The following MKLN1 variants were observed in gnomAD, a reference collection of about 807,000 sequenced individuals.
MKLN1 encodes muskelin 1.
A neutral mutation model predicts 99.0 loss-of-function variants in MKLN1; 18 were observed. The ratio of observed to expected loss-of-function variants is 0.18; its 90% CI spans 0.13 to 0.27. The LOEUF (loss-of-function observed/expected upper bound fraction) is 0.27. Ranked by LOEUF, MKLN1 falls within the 10% of genes least tolerant of loss-of-function variation. The probability of loss-of-function intolerance (pLI) is 1.00; values close to 1 mark genes in which losing one functional copy is unlikely to be tolerated. For synonymous variants in MKLN1, 288 were observed against 293.2 expected, an observed-to-expected ratio of 0.98 and a Z score of 0.18; for missense variants, 621 against 875.9, an observed-to-expected ratio of 0.71 and a Z score of 3.67.
intron 3 of MKLN1, among the ~76,000 whole-genome samples, chr7:131,278,835 A>G (rs1458687331): frequency 2.0e-5 from 3 of 152,152 alleles, no homozygotes; most frequent in Non-Finnish European, 4.4e-5. Context: ...CCTGGCCTCA[A>G]GAGATCCTCC....
intron 1 of MKLN1, among the ~76,000 whole-genome samples, chr7:131,139,343 G>A (rs6967518): frequency 0.37 from 55,019 of 149,952 alleles, 10,610 homozygotes; most frequent in East Asian, 0.68. Context: ...GACTCCCCCC[G>A]TCCCTCCCCT....
chr7:131,417,991 T>TA (rs1462636374), intron 8 of MKLN1, among the ~76,000 whole-genome samples: 2 of 152,208 alleles, frequency 1.3e-5, no homozygotes, highest in African/African-American at 2.4e-5. Context: ...GAGTACAAAG[T>TA]AAAATACTGA....
At chr7:131,409,096 C>T (rs1794795065) in intron 6 of MKLN1, among the ~76,000 whole-genome samples, 1 of 152,186 alleles carries the variant, frequency 6.6e-6, no homozygotes, top group Admixed American at 6.5e-5. Flanking sequence ...TTTGAACTCA[C>T]ATGGTTCACA....
intron 6 of MKLN1, among the ~76,000 whole-genome samples, chr7:131,409,533 A>G (rs963229717): frequency 1.3e-5 from 2 of 152,208 alleles, no homozygotes; most frequent in South Asian, 4.1e-4. Context: ...GGAGGTTTCC[A>G]GTTAAAGCCA....
chr7:131,300,043 A>G (rs975736476), intron 3 of MKLN1, among the ~76,000 whole-genome samples: 14 of 152,144 alleles, frequency 9.2e-5, no homozygotes, highest in Admixed American at 3.3e-4. Flanking sequence ...GAAAAGGGTT[A>G]ATAATTATAA....
intron 17 of MKLN1, among the ~76,000 whole-genome samples, chr7:131,481,563 A>G (rs1797122640): frequency 6.6e-6 from 1 of 152,178 alleles, no homozygotes; most frequent in Non-Finnish European, 1.5e-5. Flanking sequence ...TCACCTTTGT[A>G]ACACTGGTGA....
chr7:131,425,252 T>C (rs946062385), intron 8 of MKLN1, among the ~76,000 whole-genome samples: 1 of 152,108 alleles, frequency 6.6e-6, no homozygotes. Flanking sequence ...TTTCTGTCTC[T>C]ATACTTTTGC....
intron 2 of MKLN1, among the ~76,000 whole-genome samples, chr7:131,195,381 C>A (rs1448744553): frequency 2.0e-5 from 3 of 151,720 alleles, no homozygotes; most frequent in Non-Finnish European, 4.4e-5. Flanking sequence ...CATGGTGGCA[C>A]GTGCCTGTAA....
At chr7:131,474,712 T>A (rs1381328485) in intron 16 of MKLN1, among the ~76,000 whole-genome samples, 1 of 152,190 alleles carries the variant, frequency 6.6e-6, no homozygotes, top group African/African-American at 2.4e-5. Context: ...AAAGTTGGCC[T>A]TTTGAAAAGG....
At chr7:131,263,893 T>G (rs1797770882) in intron 3 of MKLN1, among the ~76,000 whole-genome samples, 1 of 152,176 alleles carries the variant, frequency 6.6e-6, no homozygotes, top group Non-Finnish European at 1.5e-5. Flanking sequence ...AAGAAATGGT[T>G]GTCCCCACTT....
intron 2 of MKLN1, among the ~76,000 whole-genome samples, chr7:131,158,744 A>G (rs1796005220): frequency 1.3e-5 from 2 of 152,148 alleles, no homozygotes; most frequent in East Asian, 3.8e-4. Context: ...ATGGTGCAAA[A>G]ACTGTTCAGT....
chr7:131,145,483 C>T (rs1335961338), intron 2 of MKLN1, among the ~76,000 whole-genome samples: 1 of 152,118 alleles, frequency 6.6e-6, no homozygotes, highest in East Asian at 1.9e-4. Flanking sequence ...GATGATCAGA[C>T]CACATTTATT....
At chr7:131,252,798 C>CTT (rs1296501523) in intron 3 of MKLN1, among the ~76,000 whole-genome samples, 2 of 152,152 alleles carry the variant, frequency 1.3e-5, no homozygotes, top group African/African-American at 4.8e-5. Context: ...GTGCTCTGTT[C>CTT]TTGGCATGCA....
At position 131,134,882 on chromosome 7, in the gene MKLN1, C is replaced by T. The variant is rs1335058488; in HGVS notation, c.-418-7938C>T. ...TTTAAGAAATGCTGATAGTTACTGT[C>T]TTCAGTATCAAGTCCAGATTCCCTA... On this transcript the variant is annotated intron_variant, in intron 1 of 7. Coordinates refer to the MKLN1 transcript ENST00000416992. Among the ~76,000 whole-genome samples, 5 of 152,150 alleles carry T rather than the reference C, an allele frequency of 3.3e-5. No individual in the cohort carries two copies. The South Asian group carries it at 1.0e-3, about 32-fold the overall frequency.
Position 131,233,316 on chromosome 7 carries a change from T to G in MKLN1, c.-179+30342T>G, listed in dbSNP as rs1028238241. ...TGAGCTCAGGAGATTGAGATTGTAG[T>G]GATCTACGATGCCACTGCACTCCAG... On this transcript the variant is annotated intron_variant, in intron 3 of 7. Coordinates refer to the MKLN1 transcript ENST00000416992. Among the ~76,000 whole-genome samples, 3 of 151,754 alleles carry G rather than the reference T, an allele frequency of 2.0e-5. No individual in the cohort carries two copies. The South Asian group carries it at 6.2e-4, about 31-fold the overall frequency.
intron 3 of MKLN1, 123 bp from the exon 4 acceptor site, chr7:131,388,761 T>C (rs545658710): frequency 3.4e-6 from 2 of 590,954 alleles, no homozygotes; most frequent in South Asian, 4.8e-5. Flanking sequence ...TTGTTTATAT[T>C]GTCTTGGTCA....
chr7:131,470,964 A>C lies in MKLN1; in HGVS notation c.2031+20A>C, dbSNP rs780413837. On this transcript the variant is annotated intron_variant, in intron 16 of 17. Transcript: ENST00000352689. ...AAAGAGGTAAAGAAAGGTGGTAATA[A>C]ATTTCAGAAATTAAGTATTTTTAAA... 3.3e-6 allele frequency: 5 copies of C among 1,492,776 alleles called. No homozygotes were observed. Among genetic ancestry groups the C allele is most frequent in the Non-Finnish European group, 4.6e-6 (5 of 1,082,538 alleles). The allele number at this position is 1,492,776 out of a possible 1,614,324, so 92.5% of individuals were successfully genotyped here. A position where few individuals can be genotyped will look rare whatever the true frequency, so the allele number is the denominator to read the frequency against.
intron 3 of MKLN1, among the ~76,000 whole-genome samples, chr7:131,232,752 G>A (rs972387792): frequency 3.9e-5 from 6 of 152,152 alleles, no homozygotes; most frequent in African/African-American, 1.4e-4. Context: ...TGAGCTTGGT[G>A]TGCACACAGT....
intron 17 of MKLN1, among the ~76,000 whole-genome samples, chr7:131,485,073 G>A (rs1244551363): frequency 6.6e-6 from 1 of 151,982 alleles, no homozygotes; most frequent in African/African-American, 2.4e-5. Context: ...TTAAATAATA[G>A]TCACAGCTAA....
Sources: allele counts gnomAD v4.1 joint callset (sites outside exome capture counted in the v4.1 genomes callset), GRCh38; gene constraint gnomAD v4.1.1; transcripts MANE v1.5; gene names NCBI Gene and HGNC (gene_info 2026-07-23, HGNC 2026-07-21).